The following UST variants were observed in gnomAD, a reference collection of about 807,000 sequenced individuals.
The protein encoded by UST is chondroitin sulfate 2-O-sulfotransferase.
UST carries 21 observed loss-of-function variants against 45.6 expected under a neutral mutation model. That is an observed-to-expected ratio of 0.46 (90% CI 0.33 to 0.66). The LOEUF is 0.66. Among genes scored for constraint, UST ranks in the 30% least tolerant of loss-of-function variants. The pLI is 0.02. For missense variants in UST, 463 were observed against 512.4 expected (o/e 0.90, Z 0.93); for synonymous variants, 215 against 200.6 (o/e 1.07, Z -0.61).
chr6:148,893,329 T>G (rs1779055337), intron 2 of UST, among the ~76,000 whole-genome samples: 1 of 152,250 alleles, frequency 6.6e-6, no homozygotes, highest in African/African-American at 2.4e-5. Context: ...TGCTTTGCAG[T>G]GTCTGGCAGT....
intron 2 of UST, among the ~76,000 whole-genome samples, chr6:148,905,579 C>T (rs774734472): frequency 2.6e-5 from 4 of 152,194 alleles, no homozygotes; most frequent in Non-Finnish European, 2.9e-5. Context: ...AATTGGGAGT[C>T]ATTTACTTTC....
At chr6:148,759,704 C>T (rs542187599) in intron 1 of UST, among the ~76,000 whole-genome samples, 2 of 150,956 alleles carry the variant, frequency 1.3e-5, no homozygotes, top group Non-Finnish European at 2.9e-5. Flanking sequence ...AAAAATTAGC[C>T]GGGCATGGTG....
At chr6:148,753,556 T>G (rs1181200506) in intron 1 of UST, among the ~76,000 whole-genome samples, 1 of 152,212 alleles carries the variant, frequency 6.6e-6, no homozygotes, top group Non-Finnish European at 1.5e-5. Context: ...TATTCCACAT[T>G]TTGTTTATCC....
At chr6:148,881,092 A>G (rs1011785025) in intron 1 of UST, among the ~76,000 whole-genome samples, 8 of 152,090 alleles carry the variant, frequency 5.3e-5, no homozygotes, top group African/African-American at 1.9e-4. Context: ...TCTTCTATCA[A>G]TGTATAGAGT....
chr6:149,071,655 A>G (rs1409150396), intron 7 of UST, among the ~76,000 whole-genome samples: 6 of 152,200 alleles, frequency 3.9e-5, no homozygotes, highest in Non-Finnish European at 5.9e-5. Context: ...TTTATGCATC[A>G]AAGAACACTA....
intron 2 of UST, among the ~76,000 whole-genome samples, chr6:148,903,606 G>A (rs1410520735): frequency 2.6e-5 from 4 of 152,112 alleles, no homozygotes; most frequent in Non-Finnish European, 5.9e-5. Context: ...AAACTAATGG[G>A]GACAGACAGT....
intron 5 of UST, among the ~76,000 whole-genome samples, chr6:148,972,429 AC>A (rs1200270580): frequency 2.6e-5 from 4 of 152,208 alleles, no homozygotes; most frequent in Admixed American, 1.3e-4. Flanking sequence ...ACTCTGGTGA[AC>A]CGCCTATTTG....
intron 1 of UST, among the ~76,000 whole-genome samples, chr6:148,814,300 G>C (rs967601108): frequency 6.6e-6 from 1 of 152,136 alleles, no homozygotes; most frequent in African/African-American, 2.4e-5. Context: ...TAACTGTGTG[G>C]GTGGTCCTTT....
chr6:148,820,096 G>A (rs1777428074), intron 1 of UST, among the ~76,000 whole-genome samples: 1 of 152,176 alleles, frequency 6.6e-6, no homozygotes, highest in Admixed American at 6.5e-5. Flanking sequence ...GCTCCTTTGT[G>A]TTGCAGAGCC....
At chr6:148,965,963 C>T (rs192738188) in intron 5 of UST, among the ~76,000 whole-genome samples, 2 of 150,310 alleles carry the variant, frequency 1.3e-5, no homozygotes, top group Admixed American at 1.3e-4. Context: ...GTGGCTCACG[C>T]CTGTAATCCC....
At position 148,824,676 on chromosome 6, in the gene UST, T is replaced by TC. The variant is rs1322433310; in HGVS notation, c.248-62310_248-62309insC. On this transcript the variant is annotated intron_variant, in intron 1 of 7. Transcript: ENST00000367463. ...TGGGGGTAGATGGTATTTTCTTTCT[T>TC]TTTTTTTTTTTTTTTATTATACTCT... is the stretch of plus-strand genomic sequence containing the variant. Among the ~76,000 whole-genome samples, 3 of 141,472 alleles carry TC rather than the reference T, an allele frequency of 2.1e-5. No homozygotes were observed. The East Asian group carries it at 5.9e-4, about 28-fold the overall frequency. The allele number at this position is 141,472 out of a possible 152,430, so 92.8% of individuals were successfully genotyped here.
chr6:149,059,774 G>A (rs1016405423), intron 7 of UST, among the ~76,000 whole-genome samples: 4 of 152,178 alleles, frequency 2.6e-5, no homozygotes, highest in African/African-American at 9.7e-5. Context: ...AGCATAAGTA[G>A]TGTGGAGTTG....
intron 2 of UST, among the ~76,000 whole-genome samples, chr6:148,887,237 C>T (rs546258752): frequency 2.1e-4 from 32 of 152,378 alleles, no homozygotes; most frequent in African/African-American, 7.7e-4. Flanking sequence ...ATTGTTGAAT[C>T]AGTGGCTGTT....
chr6:148,839,998 C>G (rs1174846964), intron 1 of UST, among the ~76,000 whole-genome samples: 1 of 152,140 alleles, frequency 6.6e-6, no homozygotes, highest in Non-Finnish European at 1.5e-5. Flanking sequence ...GCAAAACTCA[C>G]TTTGCTAGGT....
At chr6:149,036,665 G>C (rs1481983641) in intron 7 of UST, among the ~76,000 whole-genome samples, 1 of 152,176 alleles carries the variant, frequency 6.6e-6, no homozygotes, top group African/African-American at 2.4e-5. Context: ...TATCTGTGTA[G>C]CCATGATGTG....
intron 5 of UST, among the ~76,000 whole-genome samples, chr6:148,984,074 C>A (rs1410656567): frequency 1.3e-5 from 2 of 152,194 alleles, no homozygotes; most frequent in African/African-American, 4.8e-5. Flanking sequence ...CAGGAACCTA[C>A]CCATCTGCAA....
rs1333726177 is a variant in UST at position 148,952,524 on chromosome 6, T to C, written c.448-1348T>C. 3.9e-5 allele frequency among the ~76,000 whole-genome samples: 6 copies of C among 152,232 alleles called. No homozygotes were observed. In the East Asian group the frequency reaches 7.7e-4, roughly 20 times the overall value. On this transcript the variant is annotated intron_variant, in intron 3 of 7. Transcript: ENST00000367463. ...TTTATACACTGAGATCCTAGTGTAA[T>C]AATCTATAAAGCGTGTACTAGTTGG...
chr6:148,979,995 G>A (rs985471492), intron 5 of UST, among the ~76,000 whole-genome samples: 9 of 152,232 alleles, frequency 5.9e-5, no homozygotes, highest in Middle Eastern at 3.4e-3. Context: ...GGTGGGTTTC[G>A]TATCTGGCCC....
At chr6:149,011,736 TG>T (rs1375354729) in intron 5 of UST, among the ~76,000 whole-genome samples, 1 of 152,072 alleles carries the variant, frequency 6.6e-6, no homozygotes, top group Non-Finnish European at 1.5e-5. Flanking sequence ...TGCTTGAACC[TG>T]GGAGGCAGAG....
Sources: gnomAD v4.1 joint callset for allele counts (sites outside exome capture counted in the v4.1 genomes callset) on GRCh38, gnomAD v4.1.1 for gene constraint, MANE v1.5 for transcripts, NCBI Gene and HGNC (gene_info 2026-07-23, HGNC 2026-07-21) for gene names.